MCC: variants seen among roughly 807,000 people sequenced by gnomAD.
The protein encoded by MCC is MCC regulator of Wnt signaling pathway.
Under a neutral mutation model 116.2 loss-of-function variants are expected in MCC, and 90 were observed. The observed-to-expected ratio is 0.77, with a 90% confidence interval of 0.65 to 0.92. The LOEUF (loss-of-function observed/expected upper bound fraction) is 0.92, where lower values mean the gene tolerates loss of function less well. Among genes scored for constraint, MCC ranks in the 40% least tolerant of loss-of-function variants. The probability of loss-of-function intolerance (pLI) is 0.00; values close to 1 mark genes in which losing one functional copy is unlikely to be tolerated. For missense variants in MCC, 1,516 were observed against 1,312.2 expected (o/e 1.16, Z -2.40); for synonymous variants, 578 against 510.5 (o/e 1.13, Z -1.78).
At chr5:113,408,871 C>T (rs1462842158) in intron 1 of MCC, among the ~76,000 whole-genome samples, 1 of 152,160 alleles carries the variant, frequency 6.6e-6, no homozygotes, top group African/African-American at 2.4e-5. Context: ...GGCAGATGGC[C>T]TAGCCTGTCC....
chr5:113,461,662 C>A (rs559245182), intron 1 of MCC, among the ~76,000 whole-genome samples: 2 of 147,618 alleles, frequency 1.4e-5, no homozygotes, highest in East Asian at 4.0e-4. Context: ...CAGAGTGGGA[C>A]CATGTTTCTT....
At chr5:113,104,411 T>C in intron 6 of MCC, 56 bp from the exon 7 acceptor site, 4 of 1,506,392 alleles carry the variant, frequency 2.7e-6, no homozygotes, top group South Asian at 1.3e-5. Flanking sequence ...CTGTCTGTTT[T>C]GCTTACCATG....
chr5:113,197,248 A>G (rs112957784), intron 3 of MCC, among the ~76,000 whole-genome samples: 150 of 152,224 alleles, frequency 9.9e-4, no homozygotes, highest in African/African-American at 3.3e-3. Context: ...TTTTTCCTAA[A>G]CCAGTTTTCA....
At chr5:113,179,664 A>T (rs1276024130) in intron 3 of MCC, among the ~76,000 whole-genome samples, 1 of 152,222 alleles carries the variant, frequency 6.6e-6, no homozygotes, top group Non-Finnish European at 1.5e-5. Flanking sequence ...GTTCTAGAAA[A>T]GACAAAAATG....
intron 3 of MCC, among the ~76,000 whole-genome samples, chr5:113,154,788 T>C (rs1760081403): frequency 6.6e-6 from 1 of 152,220 alleles, no homozygotes; most frequent in Non-Finnish European, 1.5e-5. Flanking sequence ...TATACATATT[T>C]ATGGGGTACA....
intron 17 of MCC, 80 bp downstream of exon 17, chr5:113,043,450 T>A: frequency 1.6e-6 from 2 of 1,287,558 alleles, no homozygotes; most frequent in Non-Finnish European, 2.2e-6. Context: ...CCTTCTCCTT[T>A]TGGGAGCAGC....
rs1354047425 is a variant in MCC, at chr5:113,023,469, T to TA, written c.*3832dup. On this transcript the variant is annotated 3_prime_UTR_variant, in exon 19 of 19. Coordinates refer to ENST00000408903, the MANE Select transcript of MCC (RefSeq NM_001085377.2). ...ATCACCTTCTGCAGAAAAAAAATGTTACTTATGCTCCACCTCCCCAGCCCT... is the reference window on the plus strand; with the variant it reads ...ATCACCTTCTGCAGAAAAAAAATGTTAACTTATGCTCCACCTCCCCAGCCCT... 2.6e-5 allele frequency: 4 copies of TA among 152,304 alleles called. No homozygotes were observed. The highest frequency in any genetic ancestry group is 9.6e-5 in the African/African-American group (4 of 41,456). The allele number at this position is 152,304 out of a possible 1,614,324, so 9.4% of individuals were successfully genotyped here. A position where few individuals can be genotyped will look rare whatever the true frequency, so the allele number is the denominator to read the frequency against.
intron 3 of MCC, among the ~76,000 whole-genome samples, chr5:113,290,349 G>C (rs1280305181): frequency 6.6e-6 from 1 of 152,178 alleles, no homozygotes; most frequent in Non-Finnish European, 1.5e-5. Flanking sequence ...TCTGTCCATT[G>C]TTTAAATAAT....
At chr5:113,036,984 A>G (rs1328860050) in intron 17 of MCC, among the ~76,000 whole-genome samples, 1 of 152,228 alleles carries the variant, frequency 6.6e-6, no homozygotes, top group Non-Finnish European at 1.5e-5. Context: ...TCTAAGCACA[A>G]CTTCCATTGC....
At chr5:113,149,611 T>A (rs995582584) in intron 4 of MCC, among the ~76,000 whole-genome samples, 5 of 152,066 alleles carry the variant, frequency 3.3e-5, no homozygotes, top group African/African-American at 9.7e-5. Context: ...TTATGAGACA[T>A]GAAAGTTTCC....
chr5:113,121,731 A>G (rs7724574), intron 6 of MCC, among the ~76,000 whole-genome samples: 8,578 of 152,270 alleles, frequency 0.056, 322 homozygotes, highest in African/African-American at 0.1. Context: ...AAAACTCATT[A>G]TAAAACTCAA....
intron 5 of MCC, among the ~76,000 whole-genome samples, chr5:113,130,653 G>A (rs1436592612): frequency 6.6e-6 from 1 of 152,112 alleles, no homozygotes; most frequent in Non-Finnish European, 1.5e-5. Flanking sequence ...CCTTGTGGGT[G>A]AGTGAGTTCT....
chr5:113,299,381 G>A (rs533075888), intron 3 of MCC, among the ~76,000 whole-genome samples: 1 of 143,178 alleles, frequency 7.0e-6, no homozygotes, highest in South Asian at 2.3e-4. Flanking sequence ...AGTCTAGACT[G>A]GTTTTCTTAT....
chr5:113,440,174 G>T (rs1213058002), intron 1 of MCC, among the ~76,000 whole-genome samples: 2 of 152,130 alleles, frequency 1.3e-5, no homozygotes, highest in South Asian at 2.1e-4. Context: ...TCTACTTCCA[G>T]TCTGGCATTT....
At chr5:113,470,905 C>A (rs1159989406) in intron 1 of MCC, among the ~76,000 whole-genome samples, 2 of 152,144 alleles carry the variant, frequency 1.3e-5, no homozygotes, top group African/African-American at 4.8e-5. Context: ...CTCTAAACTT[C>A]TCTTCTCACT....
rs564586116 is a variant in MCC at position 113,285,837 on chromosome 5, T to C, written c.627+54682A>G. Among the ~76,000 whole-genome samples the C allele has an allele frequency of 7.2e-5, 11 of 152,326 alleles. No individual in the cohort carries two copies. In the South Asian group the frequency reaches 2.1e-3, roughly 29 times the overall value. On this transcript the variant is annotated intron_variant, in intron 3 of 18. Transcript: ENST00000408903. The stretch of plus-strand genomic sequence containing the variant: ...TTGTTTGTTGCTGTATCCCCAGTCT[T>C]ACAATAGCATCTGACATGTAGAAGG...
chr5:113,431,356 T>C (rs1333372958), intron 1 of MCC, among the ~76,000 whole-genome samples: 1 of 151,712 alleles, frequency 6.6e-6, no homozygotes, highest in Non-Finnish European at 1.5e-5. Context: ...GATAGAGGAG[T>C]TGGCAGGGCC....
intron 1 of MCC, among the ~76,000 whole-genome samples, chr5:113,457,358 C>T (rs1011934005): frequency 3.9e-5 from 6 of 152,254 alleles, no homozygotes; most frequent in Non-Finnish European, 7.3e-5. Flanking sequence ...CTGGATTTCT[C>T]GCCGGGCCTT....
At chr5:113,284,754 C>T (rs189705923) in intron 3 of MCC, among the ~76,000 whole-genome samples, 126 of 152,302 alleles carry the variant, frequency 8.3e-4, no homozygotes, top group Admixed American at 6.7e-3. Flanking sequence ...ATTTTCTGGT[C>T]ATAATCTGAC....
Sources: gnomAD v4.1 joint callset for allele counts (sites outside exome capture counted in the v4.1 genomes callset) on GRCh38, gnomAD v4.1.1 for gene constraint, MANE v1.5 for transcripts, NCBI Gene and HGNC (gene_info 2026-07-23, HGNC 2026-07-21) for gene names.